RBFOX1: variants seen among roughly 807,000 people sequenced by gnomAD.
The protein encoded by RBFOX1 is RNA binding protein fox-1 homolog 1.
RBFOX1 carries 8 observed loss-of-function variants against 57.7 expected under a neutral mutation model. That is an observed-to-expected ratio of 0.14 (90% CI 0.08 to 0.25). The LOEUF is 0.25. Ranked by LOEUF, RBFOX1 falls within the 10% of genes least tolerant of loss-of-function variation. RBFOX1 has a pLI of 1.00. For missense variants in RBFOX1, 611 were observed against 548.5 expected, an observed-to-expected ratio of 1.11 and a Z score of -1.14; for synonymous variants, 326 against 222.4, an observed-to-expected ratio of 1.47 and a Z score of -4.15.
At chr16:5,800,038 ATT>A (rs1227015757) in intron 3 of RBFOX1, among the ~76,000 whole-genome samples, 2 of 151,928 alleles carry the variant, frequency 1.3e-5, no homozygotes, top group African/African-American at 4.8e-5. Context: ...ATATTTCCCT[ATT>A]TTTTATATAT....
chr16:5,455,011 CTTTCTT>C (rs1567536284), intron 1 of RBFOX1, among the ~76,000 whole-genome samples: 5 of 111,464 alleles, frequency 4.5e-5, no homozygotes, highest in African/African-American at 1.3e-4. Context: ...TTCTTTCTTT[CTTTCTT>C]TCTTTCTCTC....
intron 5 of RBFOX1, among the ~76,000 whole-genome samples, chr16:7,530,947 C>T (rs2079907746): frequency 6.6e-6 from 1 of 152,076 alleles, no homozygotes; most frequent in African/African-American, 2.4e-5. Flanking sequence ...TGTACCTGGG[C>T]TTGAGGACCT....
chr16:6,588,973 G>C (rs1280043994), intron 2 of RBFOX1, among the ~76,000 whole-genome samples: 1 of 152,160 alleles, frequency 6.6e-6, no homozygotes, highest in East Asian at 1.9e-4. Flanking sequence ...CTATGCATCT[G>C]TACTTTGATA....
intron 3 of RBFOX1, among the ~76,000 whole-genome samples, chr16:5,776,648 G>T (rs1300754433): frequency 6.6e-6 from 1 of 152,192 alleles, no homozygotes; most frequent in Non-Finnish European, 1.5e-5. Flanking sequence ...CAATGGTGTG[G>T]GTGTTAGTAT....
chr16:6,964,181 C>G (rs2083600355), intron 3 of RBFOX1, among the ~76,000 whole-genome samples: 2 of 152,034 alleles, frequency 1.3e-5, no homozygotes, highest in Non-Finnish European at 2.9e-5. Context: ...ACATGCCTGG[C>G]TAATTTTTGT....
intron 3 of RBFOX1, among the ~76,000 whole-genome samples, chr16:5,863,634 A>G (rs1345950147): frequency 1.3e-5 from 2 of 152,182 alleles, no homozygotes; most frequent in African/African-American, 2.4e-5. Flanking sequence ...TCCACTCTGA[A>G]TGCAGCGTAG....
chr16:6,942,741 G>A (rs887455692), intron 3 of RBFOX1, among the ~76,000 whole-genome samples: 1 of 152,160 alleles, frequency 6.6e-6, no homozygotes, highest in Non-Finnish European at 1.5e-5. Context: ...ACTCTCTTGA[G>A]AGACAGACTC....
At chr16:5,432,931 C>T (rs1459815787) in intron 1 of RBFOX1, among the ~76,000 whole-genome samples, 1 of 152,060 alleles carries the variant, frequency 6.6e-6, no homozygotes, top group Non-Finnish European at 1.5e-5. Flanking sequence ...AATTATAGGC[C>T]CACACCACCA....
At chr16:5,386,359 C>G (rs2066256072) in intron 1 of RBFOX1, among the ~76,000 whole-genome samples, 2 of 151,896 alleles carry the variant, frequency 1.3e-5, no homozygotes, top group Admixed American at 6.6e-5. Context: ...CTCAAAGGCC[C>G]CAGGGGAAAA....
At chr16:5,863,359 A>T (rs2057272047) in intron 3 of RBFOX1, among the ~76,000 whole-genome samples, 1 of 152,150 alleles carries the variant, frequency 6.6e-6, no homozygotes, top group Non-Finnish European at 1.5e-5. Flanking sequence ...CGCCTCAAAC[A>T]CGGCTCTAAT....
intron 3 of RBFOX1, among the ~76,000 whole-genome samples, chr16:6,668,404 C>T (rs960800391): frequency 6.6e-6 from 1 of 152,216 alleles, no homozygotes; most frequent in East Asian, 1.9e-4. Context: ...TAATACAAAG[C>T]CACGTGTTGT....
rs950818191 is a variant in RBFOX1 at position 7,061,194 on chromosome 16, G to T, written c.27+9096G>T. 2.6e-5 allele frequency among the ~76,000 whole-genome samples: 4 copies of T among 152,134 alleles called. No homozygotes were observed. In the East Asian group the frequency reaches 7.7e-4, roughly 29 times the overall value. ...TACTTCTAGAAGCTGCAGGAACTCA[G>T]GCAAATGATCCCCAGGGGCAGCTTC... On this transcript the variant is annotated intron_variant, in intron 4 of 15. Transcript: ENST00000550418.
At chr16:7,689,048 C>G (rs186653467) in intron 14 of RBFOX1, among the ~76,000 whole-genome samples, 3 of 152,128 alleles carry the variant, frequency 2.0e-5, no homozygotes, top group African/African-American at 4.8e-5. Flanking sequence ...CATTATGTAA[C>G]TTTTCCATGC....
intron 2 of RBFOX1, among the ~76,000 whole-genome samples, chr16:6,516,179 C>A (rs1369042986): frequency 6.6e-6 from 1 of 152,130 alleles, no homozygotes; most frequent in African/African-American, 2.4e-5. Context: ...CAGGCATGTG[C>A]CACCATGCCT....
intron 4 of RBFOX1, among the ~76,000 whole-genome samples, chr16:7,278,678 T>C (rs2095486354): frequency 1.3e-5 from 2 of 152,372 alleles, no homozygotes; most frequent in South Asian, 4.1e-4. Context: ...TGAAGGAATT[T>C]TATTTTTATT....
At chr16:6,914,471 T>A (rs2072575742) in intron 3 of RBFOX1, among the ~76,000 whole-genome samples, 1 of 151,930 alleles carries the variant, frequency 6.6e-6, no homozygotes, top group South Asian at 2.1e-4. Flanking sequence ...AACACAGACC[T>A]AGGTGTCTCA....
chr16:7,316,987 A>C (rs8060837), intron 4 of RBFOX1, among the ~76,000 whole-genome samples: 1,334 of 45,824 alleles, frequency 0.029, 15 homozygotes, highest in African/African-American at 0.087. Context: ...CACACACACA[A>C]ACACACACAC....
chr16:5,795,571 A>G (rs1449270502), intron 3 of RBFOX1, among the ~76,000 whole-genome samples: 2 of 152,130 alleles, frequency 1.3e-5, no homozygotes, highest in Non-Finnish European at 2.9e-5. Context: ...GATTACAGAC[A>G]TGAACCACTG....
intron 1 of RBFOX1, among the ~76,000 whole-genome samples, chr16:6,161,113 G>A (rs1375584699): frequency 1.3e-5 from 2 of 152,190 alleles, no homozygotes; most frequent in Admixed American, 6.5e-5. Flanking sequence ...CACTGGCTGG[G>A]CACAGTGACT....
Sources: gnomAD v4.1 joint callset for allele counts (sites outside exome capture counted in the v4.1 genomes callset) on GRCh38, gnomAD v4.1.1 for gene constraint, MANE v1.5 for transcripts, NCBI Gene and HGNC (gene_info 2026-07-23, HGNC 2026-07-21) for gene names.